The following HMGN5 variants were observed in gnomAD, a reference collection of about 807,000 sequenced individuals.
HMGN5 encodes high mobility group nucleosome-binding domain-containing protein 5.
HMGN5 carries 4 observed loss-of-function variants against 9.5 expected under a neutral mutation model. That is an observed-to-expected ratio of 0.42 (90% CI 0.21 to 0.96). The LOEUF is 0.96. Among genes scored for constraint, HMGN5 ranks in the 40% least tolerant of loss-of-function variants. The probability of loss-of-function intolerance (pLI) is 0.30; values close to 1 mark genes in which losing one functional copy is unlikely to be tolerated. For missense variants in HMGN5, 192 were observed against 187.5 expected (o/e 1.02, Z -0.14); for synonymous variants, 55 against 57.1 (o/e 0.96, Z 0.16).
At chrX:81,133,817 T>G (rs1401910107) in intron 1 of HMGN5, among the ~76,000 whole-genome samples, 4 of 111,246 alleles carry the variant, frequency 3.6e-5, no homozygotes, top group Non-Finnish European at 5.7e-5. Context: ...ATGACACACA[T>G]TTGCCTATGT....
intron 1 of HMGN5, among the ~76,000 whole-genome samples, chrX:81,155,586 G>T (rs1330583299): frequency 9.0e-6 from 1 of 111,591 alleles, no homozygotes; most frequent in East Asian, 2.8e-4. Flanking sequence ...GTAAAGGAAT[G>T]AACAATTGCT....
intron 1 of HMGN5, among the ~76,000 whole-genome samples, chrX:81,152,292 T>G (rs1402992300): frequency 9.0e-6 from 1 of 110,927 alleles, no homozygotes; most frequent in Non-Finnish European, 1.9e-5. Flanking sequence ...TCAAACAAAT[T>G]TACAAGAAAA....
At chrX:81,172,280 G>A (rs941962725) in intron 1 of HMGN5, among the ~76,000 whole-genome samples, 8 of 111,087 alleles carry the variant, frequency 7.2e-5, no homozygotes, top group African/African-American at 2.6e-4. Flanking sequence ...GTTGGAAGAA[G>A]ATATCTTTGA....
intron 1 of HMGN5, among the ~76,000 whole-genome samples, chrX:81,140,776 C>G (rs1156988099): frequency 1.8e-5 from 2 of 110,513 alleles, no homozygotes; most frequent in Admixed American, 1.9e-4. Context: ...TTGAGAAAAG[C>G]AGATGGAAAA....
chrX:81,191,798 C>G lies in HMGN5; in HGVS notation c.-124+9939G>C, dbSNP rs1244409950. 1.8e-4 allele frequency among the ~76,000 whole-genome samples: 20 copies of G among 112,000 alleles called. No homozygotes were observed. The Admixed American group carries it at 1.9e-3, about 11-fold the overall frequency. On this transcript the variant is annotated intron_variant, in intron 1 of 6. Coordinates refer to ENST00000358130, the MANE Select transcript of HMGN5 (RefSeq NM_030763.3). ...TTACTAAGTGTATGCATCCATGGCT[C>G]TCAGACATGTCCTAGCTTTCTGTCT...
At chrX:81,159,863 G>C (rs899830960) in intron 1 of HMGN5, among the ~76,000 whole-genome samples, 1 of 111,069 alleles carries the variant, frequency 9.0e-6, no homozygotes, top group Non-Finnish European at 1.9e-5. Context: ...AACTTTTAAT[G>C]TATTAATTTA....
At chrX:81,134,802 C>T (rs1402754397) in intron 1 of HMGN5, among the ~76,000 whole-genome samples, 1 of 111,344 alleles carries the variant, frequency 9.0e-6, no homozygotes, top group Non-Finnish European at 1.9e-5. Context: ...ACTCAGAATC[C>T]ACAAAGACAC....
In HMGN5 at chrX:81,140,525, A is replaced by G. The variant is rs570034173; in HGVS notation, c.-123-18853T>C. Among the ~76,000 whole-genome samples the G allele has an allele frequency of 3.2e-5, 3 of 94,791 alleles. 1 individual carries two copies. The South Asian group carries it at 1.5e-3, about 49-fold the overall frequency. The allele number at this position is 94,791 out of a possible 115,157, so 82.3% of individuals were successfully genotyped here. On this transcript the variant is annotated intron_variant, in intron 1 of 6. Coordinates refer to ENST00000358130, the MANE Select transcript of HMGN5 (RefSeq NM_030763.3). Reference sequence around the variant, plus strand: ...CAGTGAGGCGAGATCGCGCCACTGCACTCCAGCCTTGGCGACAGAGCGAGA... The same window carrying G: ...CAGTGAGGCGAGATCGCGCCACTGCGCTCCAGCCTTGGCGACAGAGCGAGA...
chrX:81,140,716 G>T lies in HMGN5; in HGVS notation c.-123-19044C>A, dbSNP rs138834735. On this transcript the variant is annotated intron_variant, in intron 1 of 6. Transcript: ENST00000358130. ...TCTGAGACTTTCTGCCTTCAGGTGAGATTCAGCATATGACCAGCTCTGGTG... is the reference window on the plus strand; with the variant it reads ...TCTGAGACTTTCTGCCTTCAGGTGATATTCAGCATATGACCAGCTCTGGTG... Among the ~76,000 whole-genome samples the T allele has an allele frequency of 2.6e-3, 291 of 111,312 alleles. 3 individuals are homozygous for T. The highest frequency in any genetic ancestry group is 9.2e-3 in the African/African-American group (281 of 30,621).
At chrX:81,124,020 C>G (rs1443629314) in intron 1 of HMGN5, among the ~76,000 whole-genome samples, 3 of 111,786 alleles carry the variant, frequency 2.7e-5, no homozygotes, top group Non-Finnish European at 5.6e-5. Context: ...TCTTGAGGAG[C>G]CTTGGAAGGT....
At chrX:81,134,876 T>G (rs1222053433) in intron 1 of HMGN5, among the ~76,000 whole-genome samples, 1 of 111,160 alleles carries the variant, frequency 9.0e-6, no homozygotes. Context: ...GAGCAAAAAA[T>G]AGTCTTTTCA....
chrX:81,115,398 CA>C (rs1173385816), intron 6 of HMGN5, among the ~76,000 whole-genome samples, 168 bp from the exon 7 acceptor site: 5 of 111,892 alleles, frequency 4.5e-5, no homozygotes, highest in African/African-American at 1.6e-4. Context: ...TATGAGAAAA[CA>C]TTCTAAGAAA....
chrX:81,178,262 A>G (rs911739431), intron 1 of HMGN5, among the ~76,000 whole-genome samples: 1 of 111,712 alleles, frequency 9.0e-6, no homozygotes, highest in African/African-American at 3.3e-5. Context: ...TTAAAAAATC[A>G]ATGAATCCAT....
rs2075396729 is a variant in HMGN5 at position 81,161,087 on chromosome X, T to G, written c.-123-39415A>C. 3.7e-5 allele frequency among the ~76,000 whole-genome samples: 4 copies of G among 109,285 alleles called. No homozygotes were observed. The South Asian group carries it at 1.5e-3, about 41-fold the overall frequency. The allele number at this position is 109,285 out of a possible 115,157, so 94.9% of individuals were successfully genotyped here. A position where few individuals can be genotyped will look rare whatever the true frequency, so the allele number is the denominator to read the frequency against. On this transcript the variant is annotated intron_variant, in intron 1 of 6. Coordinates refer to ENST00000358130, the MANE Select transcript of HMGN5 (RefSeq NM_030763.3). ...ATGATAATGCATCTACCCAGAAGTTTTGGTTACCTAGTATGTGCGTGTTTG... is the reference window on the plus strand; with the variant it reads ...ATGATAATGCATCTACCCAGAAGTTGTGGTTACCTAGTATGTGCGTGTTTG...
chrX:81,198,951 C>G (rs142328389), intron 1 of HMGN5, among the ~76,000 whole-genome samples: 2,130 of 111,741 alleles, frequency 0.019, 46 homozygotes, highest in African/African-American at 0.065. Context: ...CCTGTTTGCA[C>G]ATGACATGAT....
At chrX:81,143,871 C>G (rs185625395) in intron 1 of HMGN5, among the ~76,000 whole-genome samples, 184 of 112,213 alleles carry the variant, frequency 1.6e-3, no homozygotes, top group African/African-American at 5.8e-3. Context: ...ACCATGTAAA[C>G]AAAGCCACAT....
rs778903709 is a variant in HMGN5 at position 81,166,800 on chromosome X, G to A, written c.-124+34937C>T. 3.6e-5 allele frequency among the ~76,000 whole-genome samples: 4 copies of A among 111,375 alleles called. No homozygotes were observed. In the East Asian group the frequency reaches 8.5e-4, roughly 24 times the overall value. On this transcript the variant is annotated intron_variant, in intron 1 of 6. Coordinates refer to ENST00000358130, the MANE Select transcript of HMGN5 (RefSeq NM_030763.3). ...GCTATTCAAGAGAGACTCATGCAAA[G>A]AAGAACTTTAGAAAGGTTCAAGCAA...
chrX:81,147,470 T>C (rs1353625743), intron 1 of HMGN5, among the ~76,000 whole-genome samples: 1 of 111,590 alleles, frequency 9.0e-6, no homozygotes. Flanking sequence ...TAGGTATTGA[T>C]GGAACATTTC....
At chrX:81,156,050 C>T (rs1362898014) in intron 1 of HMGN5, among the ~76,000 whole-genome samples, 1 of 111,772 alleles carries the variant, frequency 8.9e-6, no homozygotes, top group Non-Finnish European at 1.9e-5. Context: ...ATATTTCCTA[C>T]AACTCCATAT....
Sources: allele counts gnomAD v4.1 joint callset (sites outside exome capture counted in the v4.1 genomes callset), GRCh38; gene constraint gnomAD v4.1.1; transcripts MANE v1.5; gene names NCBI Gene and HGNC (gene_info 2026-07-23, HGNC 2026-07-21).